The following NCK2 variants were observed in gnomAD, a reference collection of about 807,000 sequenced individuals.
NCK2 encodes NCK adaptor protein 2, also known as cytoplasmic protein NCK2.
Under a neutral mutation model 33.9 loss-of-function variants are expected in NCK2, and 16 were observed. The ratio of observed to expected loss-of-function variants is 0.47; its 90% CI spans 0.32 to 0.72. The LOEUF (loss-of-function observed/expected upper bound fraction) is 0.72. Among genes scored for constraint, NCK2 ranks in the 30% least tolerant of loss-of-function variants. The probability of loss-of-function intolerance (pLI) is 0.03; values close to 1 mark genes in which losing one functional copy is unlikely to be tolerated. For missense variants in NCK2, 418 were observed against 537.3 expected (o/e 0.78, Z 2.19); for synonymous variants, 273 against 239.9 (o/e 1.14, Z -1.27).
intron 1 of NCK2, among the ~76,000 whole-genome samples, chr2:105,814,039 G>A (rs1321741572): frequency 3.3e-5 from 5 of 152,216 alleles, no homozygotes; most frequent in East Asian, 1.9e-4. Context: ...CCAAGTGACC[G>A]TATAGGTGTT....
chr2:105,851,200 TG>T (rs950547880), intron 2 of NCK2, among the ~76,000 whole-genome samples: 29 of 151,902 alleles, frequency 1.9e-4, no homozygotes, highest in Admixed American at 9.2e-4. Context: ...AACAAAAAAC[TG>T]TAGGGGGTGC....
intron 1 of NCK2, among the ~76,000 whole-genome samples, chr2:105,756,626 G>A (rs1161347708): frequency 6.6e-6 from 1 of 152,228 alleles, no homozygotes; most frequent in Non-Finnish European, 1.5e-5. Flanking sequence ...ATGGGGGAAT[G>A]TCAGGCCCAA....
chr2:105,845,344 G>A (rs886173348), intron 2 of NCK2, among the ~76,000 whole-genome samples: 4 of 152,036 alleles, frequency 2.6e-5, no homozygotes, highest in Admixed American at 1.3e-4. Flanking sequence ...ATTGATTAAT[G>A]TAGCTGAATT....
At chr2:105,762,111 A>C (rs1689782901) in intron 1 of NCK2, among the ~76,000 whole-genome samples, 1 of 152,186 alleles carries the variant, frequency 6.6e-6, no homozygotes, top group African/African-American at 2.4e-5. Context: ...TTGCTAGAAA[A>C]TTAAGGACAG....
At chr2:105,847,310 G>C (rs921630295) in intron 2 of NCK2, 2 of 151,264 alleles carry the variant, frequency 1.3e-5, no homozygotes, top group Non-Finnish European at 2.9e-5. Flanking sequence ...TAATCTGCAG[G>C]GGTTGGGTGA....
chr2:105,766,916 C>T (rs1689967954), intron 1 of NCK2, among the ~76,000 whole-genome samples: 1 of 152,228 alleles, frequency 6.6e-6, no homozygotes, highest in Non-Finnish European at 1.5e-5. Flanking sequence ...GCTCCGTCTT[C>T]CTGCTGCCTG....
chr2:105,782,159 G>T (rs1214527708), intron 1 of NCK2, among the ~76,000 whole-genome samples: 1 of 152,160 alleles, frequency 6.6e-6, no homozygotes, highest in African/African-American at 2.4e-5. Context: ...GCCTATCACC[G>T]ATCATCTCTT....
chr2:105,875,862 C>T lies in NCK2; in HGVS notation c.227-5466C>T, dbSNP rs571100740. On this transcript the variant is annotated intron_variant, in intron 3 of 4. Transcript: ENST00000233154. ...AAGGTTTCTTCTAGAACTTAAACAC[C>T]GTAATTTTATGATGATAGATTTAAA... Among the ~76,000 whole-genome samples, 18 of 152,234 alleles carry T rather than the reference C, an allele frequency of 1.2e-4. No homozygotes were observed. The East Asian group carries it at 3.5e-3, about 29-fold the overall frequency.
intron 2 of NCK2, among the ~76,000 whole-genome samples, chr2:105,824,117 C>CT (rs1349069873): frequency 6.6e-6 from 1 of 152,070 alleles, no homozygotes; most frequent in Non-Finnish European, 1.5e-5. Flanking sequence ...AATTGTTTAT[C>CT]TTTTTTGCCA....
intron 3 of NCK2, among the ~76,000 whole-genome samples, chr2:105,863,714 C>A (rs1243498992): frequency 6.6e-6 from 1 of 152,136 alleles, no homozygotes; most frequent in Non-Finnish European, 1.5e-5. Context: ...AGCTCGGGCA[C>A]CTGTGCTTTC....
At chr2:105,877,887 C>G (rs1197898892) in intron 3 of NCK2, among the ~76,000 whole-genome samples, 1 of 152,142 alleles carries the variant, frequency 6.6e-6, no homozygotes, top group Non-Finnish European at 1.5e-5. Flanking sequence ...TCCTTATTTC[C>G]ACAAATTAAG....
intron 2 of NCK2, among the ~76,000 whole-genome samples, chr2:105,822,534 G>A (rs902128448): frequency 3.3e-5 from 5 of 151,972 alleles, no homozygotes; most frequent in African/African-American, 7.3e-5. Context: ...GTGATTTAAC[G>A]TTCTTGCATA....
intron 2 of NCK2, among the ~76,000 whole-genome samples, chr2:105,827,770 T>TAG (rs1558857852): frequency 6.6e-6 from 1 of 152,130 alleles, no homozygotes; most frequent in Non-Finnish European, 1.5e-5. Flanking sequence ...ATTACAGAGA[T>TAG]AGAGAGCAGG....
chr2:105,836,759 T>C (rs370891315), intron 2 of NCK2, among the ~76,000 whole-genome samples: 1 of 152,216 alleles, frequency 6.6e-6, no homozygotes, highest in South Asian at 2.1e-4. Context: ...TACGGTGAGA[T>C]GTTGACAGGA....
chr2:105,780,469 C>T (rs1690456057), intron 1 of NCK2, among the ~76,000 whole-genome samples: 1 of 152,152 alleles, frequency 6.6e-6, no homozygotes, highest in Non-Finnish European at 1.5e-5. Flanking sequence ...TCCTGCTTCT[C>T]GCTCATGTCC....
At chr2:105,774,011 CT>C (rs34519484) in intron 1 of NCK2, among the ~76,000 whole-genome samples, 227 of 142,580 alleles carry the variant, frequency 1.6e-3, no homozygotes, top group African/African-American at 4.0e-3. Context: ...TTCCAGCTAT[CT>C]TTTTTTTTTT....
intron 2 of NCK2, among the ~76,000 whole-genome samples, chr2:105,832,520 TTA>T (rs1676236472): frequency 6.6e-6 from 1 of 152,212 alleles, no homozygotes; most frequent in African/African-American, 2.4e-5. Context: ...ATACTGAATT[TTA>T]TCAAAATGGT....
At chr2:105,872,299 C>T (rs1042091947) in intron 3 of NCK2, among the ~76,000 whole-genome samples, 4 of 152,186 alleles carry the variant, frequency 2.6e-5, no homozygotes, top group African/African-American at 9.7e-5. Context: ...CCAGGCCTGC[C>T]CTGTGCCCTT....
chr2:105,767,981 A>ATTTTG (rs748434616), intron 1 of NCK2, among the ~76,000 whole-genome samples: 1 of 152,186 alleles, frequency 6.6e-6, no homozygotes, highest in Non-Finnish European at 1.5e-5. Context: ...AAAAATGGAC[A>ATTTTG]TCAGTACTTG....
Sources: gnomAD v4.1 joint callset for allele counts (sites outside exome capture counted in the v4.1 genomes callset) on GRCh38, gnomAD v4.1.1 for gene constraint, MANE v1.5 for transcripts, NCBI Gene and HGNC (gene_info 2026-07-23, HGNC 2026-07-21) for gene names.